The following SUPT3H variants were observed in gnomAD, a reference collection of about 807,000 sequenced individuals.
The protein encoded by SUPT3H is SPT3 homolog, SAGA and STAGA complex component.
In SUPT3H, 44 loss-of-function variants were observed where a neutral mutation model predicts 44.3. The ratio of observed to expected loss-of-function variants is 0.99; its 90% confidence interval spans 0.78 to 1.28. The LOEUF is 1.28. Ranked by LOEUF, SUPT3H falls within the 50% of genes most tolerant of loss-of-function variation. SUPT3H has a pLI of 0.00. For missense variants in SUPT3H, 380 were observed against 387.1 expected (o/e 0.98, Z 0.15); for synonymous variants, 124 against 125.6 (o/e 0.99, Z 0.09).
At chr6:45,342,144 G>A (rs745960879) in intron 2 of SUPT3H, among the ~76,000 whole-genome samples, 1 of 152,080 alleles carries the variant, frequency 6.6e-6, no homozygotes, top group African/African-American at 2.4e-5. Flanking sequence ...AATGGTTGAT[G>A]GTGCCAATGA....
chr6:45,035,960 A>T (rs1787608127), intron 3 of SUPT3H, among the ~76,000 whole-genome samples: 2 of 152,188 alleles, frequency 1.3e-5, no homozygotes, highest in African/African-American at 2.4e-5. Context: ...ATTTCCCAGA[A>T]ATGAAAAAAT....
Position 45,259,972 on chromosome 6 carries a change from C to G in SUPT3H, c.101+105229G>C, listed in dbSNP as rs536127630. The stretch of plus-strand genomic sequence containing the variant: ...ACACAGATTAAATAAAGAACTTAAT[C>G]TCCTTCTAAAAGCTTTGAATTCCGT... On this transcript the variant is annotated intron_variant, in intron 2 of 10. Coordinates refer to ENST00000371459, the MANE Select transcript of SUPT3H (RefSeq NM_003599.4). Among the ~76,000 whole-genome samples, 10 of 152,284 alleles carry G rather than the reference C, an allele frequency of 6.6e-5. No individual in the cohort carries two copies. The South Asian group carries it at 2.1e-3, about 32-fold the overall frequency.
At chr6:45,356,633 GA>G (rs1793245398) in intron 2 of SUPT3H, among the ~76,000 whole-genome samples, 1 of 151,884 alleles carries the variant, frequency 6.6e-6, no homozygotes, top group East Asian at 1.9e-4. Context: ...ACTCCTGACT[GA>G]CCTCAAGTGA....
intron 2 of SUPT3H, among the ~76,000 whole-genome samples, chr6:45,230,098 C>A (rs1242480464): frequency 6.6e-6 from 1 of 152,122 alleles, no homozygotes; most frequent in Non-Finnish European, 1.5e-5. Context: ...CTTTCTGTAT[C>A]TGGCTAATTT....
chr6:44,827,261 T>C lies in SUPT3H; in HGVS notation c.*2555A>G, dbSNP rs749020979. ...CACAGTCACACTGAAGATTTTACTATATAACACGTATGCTTTAGGATGTAT... is the reference window on the plus strand; with the variant it reads ...CACAGTCACACTGAAGATTTTACTACATAACACGTATGCTTTAGGATGTAT... On this transcript the variant is annotated 3_prime_UTR_variant, in exon 11 of 11. Coordinates refer to ENST00000371459, the MANE Select transcript of SUPT3H (RefSeq NM_003599.4). 6.6e-5 allele frequency among the ~76,000 whole-genome samples: 10 copies of C among 152,186 alleles called. No homozygotes were observed. The highest frequency in any genetic ancestry group is 1.2e-4 in the Non-Finnish European group (8 of 68,004).
At chr6:44,832,189 G>A (rs1018918475) in intron 10 of SUPT3H, among the ~76,000 whole-genome samples, 2 of 152,126 alleles carry the variant, frequency 1.3e-5, no homozygotes, top group African/African-American at 4.8e-5. Context: ...CAACTTTACA[G>A]GAAGATGGAT....
intron 3 of SUPT3H, among the ~76,000 whole-genome samples, chr6:45,043,788 A>T (rs141287589): frequency 1.3e-5 from 2 of 152,322 alleles, no homozygotes; most frequent in East Asian, 3.9e-4. Context: ...ACATTAATTC[A>T]GCTTTCACTA....
intron 2 of SUPT3H, among the ~76,000 whole-genome samples, chr6:45,356,954 T>C (rs1294439171): frequency 6.6e-6 from 1 of 152,216 alleles, no homozygotes; most frequent in Non-Finnish European, 1.5e-5. Flanking sequence ...CAAATATTAA[T>C]TTCCTATCTA....
intron 5 of SUPT3H, among the ~76,000 whole-genome samples, chr6:45,008,757 T>C (rs1345726686): frequency 6.6e-6 from 1 of 152,118 alleles, no homozygotes; most frequent in African/African-American, 2.4e-5. Flanking sequence ...TTTTTTTTTT[T>C]TGAGATGGAA....
At chr6:44,982,935 T>A (rs1223132516) in intron 6 of SUPT3H, among the ~76,000 whole-genome samples, 1 of 152,210 alleles carries the variant, frequency 6.6e-6, no homozygotes, top group African/African-American at 2.4e-5. Context: ...TCTAAGAAGA[T>A]GTTCTAAAGA....
intron 3 of SUPT3H, among the ~76,000 whole-genome samples, chr6:45,047,594 T>C (rs2153533924): frequency 6.6e-6 from 1 of 152,274 alleles, no homozygotes; most frequent in Non-Finnish European, 1.5e-5. Context: ...AAAGGAGTTT[T>C]CAGATGGGAG....
At position 45,283,193 on chromosome 6, in the gene SUPT3H, C is replaced by G. The variant is rs530630114; in HGVS notation, c.101+82008G>C. The stretch of plus-strand genomic sequence containing the variant: ...CTGCATCAACTAACGAGCAAAATAA[C>G]CAGCTAACATCATAATGACAGGATC... On this transcript the variant is annotated intron_variant, in intron 2 of 10. Coordinates refer to ENST00000371459, the MANE Select transcript of SUPT3H (RefSeq NM_003599.4). Among the ~76,000 whole-genome samples, 23 of 152,240 alleles carry G rather than the reference C, an allele frequency of 1.5e-4. No homozygotes were observed. The South Asian group carries it at 4.6e-3, about 30-fold the overall frequency.
chr6:44,986,916 G>C (rs1271744334), intron 6 of SUPT3H, among the ~76,000 whole-genome samples: 3 of 152,068 alleles, frequency 2.0e-5, no homozygotes, highest in Non-Finnish European at 4.4e-5. Context: ...TTTAGAAAAG[G>C]ATTGATATAT....
intron 2 of SUPT3H, among the ~76,000 whole-genome samples, chr6:45,138,605 C>G (rs917024163): frequency 1.3e-4 from 19 of 151,430 alleles, no homozygotes; most frequent in East Asian, 1.9e-4. Flanking sequence ...GGAAAATACT[C>G]TGTGTGTGTG....
chr6:45,318,500 G>A (rs1298896680), intron 2 of SUPT3H, among the ~76,000 whole-genome samples: 4 of 152,130 alleles, frequency 2.6e-5, no homozygotes, highest in African/African-American at 9.7e-5. Context: ...AGTAAACTGA[G>A]AGCTGTTGGC....
intron 10 of SUPT3H, among the ~76,000 whole-genome samples, chr6:44,878,250 A>G (rs1561941648): frequency 6.6e-6 from 1 of 152,206 alleles, no homozygotes; most frequent in Non-Finnish European, 1.5e-5. Context: ...AATGTGATGC[A>G]TTACTGATTT....
At chr6:45,009,904 A>T (rs1783235538) in intron 5 of SUPT3H, among the ~76,000 whole-genome samples, 1 of 152,168 alleles carries the variant, frequency 6.6e-6, no homozygotes, top group Admixed American at 6.6e-5. Context: ...TCTACAAAAA[A>T]GCAGATGAAA....
chr6:45,018,770 TG>T, intron 4 of SUPT3H, among the ~76,000 whole-genome samples: 1 of 152,156 alleles, frequency 6.6e-6, no homozygotes, highest in Middle Eastern at 3.4e-3. Context: ...TGAGGATTTT[TG>T]CATCAATGTT....
chr6:45,047,131 GATT>G (rs1938972599), intron 3 of SUPT3H, among the ~76,000 whole-genome samples: 1 of 152,118 alleles, frequency 6.6e-6, no homozygotes, highest in Admixed American at 6.5e-5. Flanking sequence ...CTAGCTATAT[GATT>G]ATGTTTCCTG....
Sources: allele counts gnomAD v4.1 joint callset (sites outside exome capture counted in the v4.1 genomes callset), GRCh38; gene constraint gnomAD v4.1.1; transcripts MANE v1.5; gene names NCBI Gene and HGNC (gene_info 2026-07-23, HGNC 2026-07-21).